Variants in SYNDIG1 observed in about 807,000 individuals in gnomAD.
SYNDIG1 encodes the protein synapse differentiation-inducing gene protein 1.
A neutral mutation model predicts 19.4 loss-of-function variants in SYNDIG1; 9 were observed. The ratio of observed to expected loss-of-function variants is 0.46; its 90% CI spans 0.28 to 0.81. SYNDIG1 has a LOEUF of 0.81. Ranked by LOEUF, SYNDIG1 falls within the 30% of genes least tolerant of loss-of-function variation. SYNDIG1 has a pLI of 0.12. For synonymous variants in SYNDIG1, 141 were observed against 145.9 expected (o/e 0.97, Z 0.24); for missense variants, 311 against 343.3 (o/e 0.91, Z 0.74).
At chr20:24,605,715 G>T (rs2147146391) in intron 3 of SYNDIG1, among the ~76,000 whole-genome samples, 1 of 152,264 alleles carries the variant, frequency 6.6e-6, no homozygotes, top group Non-Finnish European at 1.5e-5. Context: ...ACTGATAGGT[G>T]ATACATTGTC....
intron 1 of SYNDIG1, among the ~76,000 whole-genome samples, chr20:24,516,396 A>G (rs985275602): frequency 6.6e-6 from 1 of 152,234 alleles, no homozygotes; most frequent in African/African-American, 2.4e-5. Context: ...TGAACAGGCA[A>G]CCTACAGAAT....
At chr20:24,568,634 T>C (rs2058092334) in intron 2 of SYNDIG1, among the ~76,000 whole-genome samples, 1 of 152,198 alleles carries the variant, frequency 6.6e-6, no homozygotes, top group Non-Finnish European at 1.5e-5. Flanking sequence ...ATTGTCCTGA[T>C]CACCTCCGTG....
chr20:24,665,651 T>A lies in SYNDIG1; in HGVS notation c.*147T>A. 1 of 1,162,308 alleles carries A rather than the reference T, an allele frequency of 8.6e-7. No individual in the cohort carries two copies. The highest frequency in any genetic ancestry group is 1.2e-6 in the Non-Finnish European group (1 of 835,688). 72.0% of individuals were successfully genotyped at this position (1,162,308 alleles called of 1,614,324 possible). A position where few individuals can be genotyped will look rare whatever the true frequency, so the allele number is the denominator to read the frequency against. The stretch of plus-strand genomic sequence containing the variant: ...ATTTCCTACCCATGGATTTATTTTG[T>A]TTTTATCCTTTAATTTCATGTTCAC... On this transcript the variant is annotated 3_prime_UTR_variant, in exon 4 of 4. Coordinates refer to ENST00000376862, the MANE Select transcript of SYNDIG1 (RefSeq NM_024893.3).
chr20:24,622,519 G>A (rs2059054882), intron 3 of SYNDIG1, among the ~76,000 whole-genome samples: 1 of 152,220 alleles, frequency 6.6e-6, no homozygotes, highest in South Asian at 2.1e-4. Flanking sequence ...TCTGCCTCCT[G>A]TCAGATCACT....
intron 3 of SYNDIG1, among the ~76,000 whole-genome samples, chr20:24,664,275 G>GTGTTT (rs1415341258): frequency 6.6e-6 from 1 of 152,074 alleles, no homozygotes; most frequent in Admixed American, 6.5e-5. Context: ...AGGTGTTGGT[G>GTGTTT]TGTTTTAGCT....
chr20:24,587,643 C>A (rs116352393), intron 3 of SYNDIG1, among the ~76,000 whole-genome samples: 26 of 152,226 alleles, frequency 1.7e-4, no homozygotes, highest in African/African-American at 6.0e-4. Flanking sequence ...CTTTCCTAAG[C>A]GAGGCCAGCT....
At chr20:24,578,252 G>A (rs2146981596) in intron 2 of SYNDIG1, among the ~76,000 whole-genome samples, 1 of 152,194 alleles carries the variant, frequency 6.6e-6, no homozygotes, top group Admixed American at 6.5e-5. Context: ...AGACCAGCCT[G>A]GCTAACATGG....
At position 24,487,520 on chromosome 20, in the gene SYNDIG1, T is replaced by C. The variant is rs6049727; in HGVS notation, c.-79+17767T>C. On this transcript the variant is annotated intron_variant, in intron 1 of 3. Transcript: ENST00000376862. ...GAGATGAGTGCTGTTATCTCAGGAA[T>C]GTGAGGTAATGCCTGCAAAGGGTCC... Among the ~76,000 whole-genome samples, 310 of 152,298 alleles carry C rather than the reference T, an allele frequency of 2.0e-3. 6 individuals carry two copies. Among genetic ancestry groups the C allele is most frequent in the African/African-American group, 7.2e-3 (298 of 41,556 alleles).
At chr20:24,478,303 G>T (rs1600381305) in intron 1 of SYNDIG1, among the ~76,000 whole-genome samples, 1 of 152,322 alleles carries the variant, frequency 6.6e-6, no homozygotes, top group South Asian at 2.1e-4. Context: ...CAGGGCAAGG[G>T]AGGAGCCCTA....
At chr20:24,472,967 A>AT (rs1387590167) in intron 1 of SYNDIG1, among the ~76,000 whole-genome samples, 1 of 152,154 alleles carries the variant, frequency 6.6e-6, no homozygotes, top group African/African-American at 2.4e-5. Flanking sequence ...CCATCCCCAA[A>AT]TAAAACCTTG....
intron 3 of SYNDIG1, among the ~76,000 whole-genome samples, chr20:24,599,512 A>G (rs1489514845): frequency 1.3e-5 from 2 of 152,196 alleles, no homozygotes; most frequent in African/African-American, 4.8e-5. Context: ...GAATAATTAT[A>G]TCAAATAAAT....
rs376452786 is a variant in SYNDIG1, at chr20:24,584,815, A to G, written c.481-41A>G. 19 of 1,613,194 alleles carry G rather than the reference A, an allele frequency of 1.2e-5. No homozygotes were observed. In the African/African-American group the frequency reaches 2.4e-4, roughly 20 times the overall value. ...GACACCCCAGGATGACTCCTTTATT[A>G]ATCTTCTCTCCTGTCCTGTCCTGCT... On this transcript the variant is annotated intron_variant, in intron 2 of 3. Transcript: ENST00000376862.
At chr20:24,512,474 G>A (rs2056769243) in intron 1 of SYNDIG1, among the ~76,000 whole-genome samples, 2 of 152,018 alleles carry the variant, frequency 1.3e-5, no homozygotes, top group East Asian at 1.9e-4. Context: ...CTTAGCAAAC[G>A]GCACACCAAG....
intron 2 of SYNDIG1, among the ~76,000 whole-genome samples, chr20:24,547,925 C>T (rs567099268): frequency 6.6e-6 from 1 of 152,330 alleles, no homozygotes; most frequent in African/African-American, 2.4e-5. Flanking sequence ...TGGCACTTAC[C>T]TGTGGCAATG....
intron 1 of SYNDIG1, among the ~76,000 whole-genome samples, chr20:24,540,297 A>AT (rs1314872138): frequency 4.1e-5 from 6 of 144,874 alleles, no homozygotes; most frequent in East Asian, 2.0e-4. Context: ...GTTCTAATAG[A>AT]TTTTTTTGTG....
intron 2 of SYNDIG1, among the ~76,000 whole-genome samples, chr20:24,555,476 A>G (rs2057795080): frequency 1.3e-5 from 2 of 151,810 alleles, no homozygotes; most frequent in Non-Finnish European, 2.9e-5. Context: ...AGTGCTTTGA[A>G]TGTGTCCCAG....
chr20:24,543,272 C>G lies in SYNDIG1; in HGVS notation c.175C>G (p.Pro59Ala). 6.2e-7 allele frequency: 1 copy of G among 1,613,670 alleles called. No individual in the cohort carries two copies. Among genetic ancestry groups the G allele is most frequent in the Non-Finnish European group, 8.5e-7 (1 of 1,180,022 alleles). The change falls in exon 2 of 4, where the codon CCG becomes GCG. Residue 59 changes from proline (P) to alanine (A), a missense_variant. Pro to Ala is a conservative substitution (Grantham distance 27, BLOSUM62 -1). Transcript: ENST00000376862. ...CCACCGGGTGGGGGCCAGCACAGTG[C>G]CGGCCAGCCTGGACAGCAGCAGGAG... ...QSHRVGASTV[P>A]ASLDSSRSEP...
At chr20:24,491,087 G>A (rs1436822876) in intron 1 of SYNDIG1, among the ~76,000 whole-genome samples, 5 of 152,194 alleles carry the variant, frequency 3.3e-5, no homozygotes, top group Admixed American at 2.0e-4. Context: ...GCGCCATGGC[G>A]TGCAATAACC....
chr20:24,517,741 GTGTA>G (rs1271501750), intron 1 of SYNDIG1, among the ~76,000 whole-genome samples: 2 of 142,724 alleles, frequency 1.4e-5, no homozygotes, highest in Non-Finnish European at 3.0e-5. Flanking sequence ...TATTATATAT[GTGTA>G]TGTGTGTGTG....
Sources: allele counts gnomAD v4.1 joint callset (sites outside exome capture counted in the v4.1 genomes callset), GRCh38; gene constraint gnomAD v4.1.1; transcripts MANE v1.5; gene names NCBI Gene and HGNC (gene_info 2026-07-23, HGNC 2026-07-21).